Variants in EIF4B observed in about 807,000 individuals in gnomAD.
The protein encoded by EIF4B is eukaryotic translation initiation factor 4B.
A neutral mutation model predicts 79.3 loss-of-function variants in EIF4B; 8 were observed. The observed-to-expected ratio is 0.10, with a 90% CI of 0.06 to 0.18. The LOEUF (loss-of-function observed/expected upper bound fraction) is 0.18, where lower values mean the gene tolerates loss of function less well. Among genes scored for constraint, EIF4B ranks in the 10% least tolerant of loss-of-function variants. EIF4B has a pLI of 1.00. For synonymous variants in EIF4B, 238 were observed against 274.7 expected, an observed-to-expected ratio of 0.87 and a Z score of 1.32; for missense variants, 515 against 792.4, an observed-to-expected ratio of 0.65 and a Z score of 4.20.
chr12:53,018,687 G>A (rs564034740), intron 2 of EIF4B, 111 bp from the exon 3 acceptor site: 1 of 1,292,358 alleles, frequency 7.7e-7, no homozygotes, highest in Non-Finnish European at 1.1e-6. Flanking sequence ...TTTTGGTCTG[G>A]TTTTCTTGTA....
At chr12:53,030,971 A>C (rs1565590961) in intron 8 of EIF4B, among the ~76,000 whole-genome samples, 1 of 151,132 alleles carries the variant, frequency 6.6e-6, no homozygotes. Flanking sequence ...CTGCATACCT[A>C]ATTTTTTATT....
At chr12:53,015,252 A>G (rs971988440) in intron 1 of EIF4B, among the ~76,000 whole-genome samples, 3 of 152,238 alleles carry the variant, frequency 2.0e-5, no homozygotes, top group African/African-American at 4.8e-5. Context: ...ACCTTGGTAT[A>G]TAGAAAGAGC....
At position 53,038,491 on chromosome 12, in the gene EIF4B, A is replaced by G. The variant is rs531454209; in HGVS notation, c.1576+80A>G. ...CCTCCAAAATTAGATTTTGAAGAGCAGTGTGTCTCGCACCTGATACCGTGT... is the reference window on the plus strand; with the variant it reads ...CCTCCAAAATTAGATTTTGAAGAGCGGTGTGTCTCGCACCTGATACCGTGT... On this transcript the variant is annotated intron_variant, in intron 12 of 14. Coordinates refer to ENST00000262056, the MANE Select transcript of EIF4B (RefSeq NM_001417.7). 3.6e-5 allele frequency: 51 copies of G among 1,399,994 alleles called. No individual in the cohort carries two copies. In the East Asian group the frequency reaches 1.3e-3, roughly 35 times the overall value. 86.7% of individuals were successfully genotyped at this position (1,399,994 alleles called of 1,614,324 possible).
intron 1 of EIF4B, among the ~76,000 whole-genome samples, chr12:53,007,083 T>C (rs1458971301): frequency 6.6e-6 from 1 of 152,172 alleles, no homozygotes; most frequent in Non-Finnish European, 1.5e-5. Flanking sequence ...AGAACCCAGA[T>C]GGGAAGCTTT....
intron 3 of EIF4B, among the ~76,000 whole-genome samples, chr12:53,019,435 A>ATTTTTTTTTT (rs759250282): frequency 1.8e-4 from 7 of 39,470 alleles, no homozygotes; most frequent in Non-Finnish European, 4.3e-4. Flanking sequence ...ATATATATAT[A>ATTTTTTTTTT]TATTTTTTTT....
intron 2 of EIF4B, among the ~76,000 whole-genome samples, chr12:53,017,572 T>C (rs565445317): frequency 6.6e-6 from 1 of 152,320 alleles, no homozygotes; most frequent in South Asian, 2.1e-4. Context: ...TATTTTTTCC[T>C]ATGACCTGTT....
chr12:53,031,706 C>T (rs1035775330), intron 8 of EIF4B, among the ~76,000 whole-genome samples: 1 of 152,164 alleles, frequency 6.6e-6, no homozygotes, highest in African/African-American at 2.4e-5. Context: ...GCTTAAAGCC[C>T]TCGTAGAAAA....
At chr12:53,034,867 T>G in intron 10 of EIF4B, 158 bp downstream of exon 10, 1 of 725,630 alleles carries the variant, frequency 1.4e-6, no homozygotes, top group Non-Finnish European at 2.3e-6. Flanking sequence ...CTCCAAAGAA[T>G]CTGAGGAATG....
At chr12:53,025,156 G>C (rs1943313329) in intron 6 of EIF4B, 1 of 448,492 alleles carries the variant, frequency 2.2e-6, no homozygotes, top group East Asian at 7.0e-5. Context: ...TTGTGACACA[G>C]CAAAGCCTTG....
chr12:53,019,818 T>C (rs373241532), intron 3 of EIF4B, 92 bp from the exon 4 acceptor site: 4 of 1,197,956 alleles, frequency 3.3e-6, no homozygotes, highest in African/African-American at 1.5e-5. Flanking sequence ...GAAAAATTCA[T>C]GCACATACAG....
At chr12:53,015,830 T>G (rs1481562722) in intron 1 of EIF4B, among the ~76,000 whole-genome samples, 1 of 151,352 alleles carries the variant, frequency 6.6e-6, no homozygotes, top group Non-Finnish European at 1.5e-5. Context: ...CACAAAAAAT[T>G]AGCTGGGCAT....
intron 8 of EIF4B, among the ~76,000 whole-genome samples, chr12:53,030,090 C>T (rs1943408896): frequency 8.0e-6 from 1 of 124,876 alleles, no homozygotes; most frequent in South Asian, 3.0e-4. Context: ...AGCGTGGTAG[C>T]ATGTGCCTGT....
chr12:53,037,876 A>G (rs1392537745), intron 11 of EIF4B: 3 of 508,938 alleles, frequency 5.9e-6, no homozygotes, highest in Non-Finnish European at 1.1e-5. Flanking sequence ...ACTGTAAGTC[A>G]GAGGCTTCCC....
chr12:53,022,847 C>G (rs755293727), intron 6 of EIF4B, among the ~76,000 whole-genome samples: 15 of 152,134 alleles, frequency 9.9e-5, no homozygotes, highest in Non-Finnish European at 1.9e-4. Flanking sequence ...AAGGGACAGA[C>G]ATTTCTCTTT....
At chr12:53,038,520 G>C (rs1943575770) in intron 12 of EIF4B, 109 bp downstream of exon 12, 1 of 1,126,652 alleles carries the variant, frequency 8.9e-7, no homozygotes, top group Non-Finnish European at 1.2e-6. Flanking sequence ...ACCGTGTTAA[G>C]AGTTCTTGGG....
At chr12:53,030,772 T>G (rs1943429551) in intron 8 of EIF4B, among the ~76,000 whole-genome samples, 1 of 152,148 alleles carries the variant, frequency 6.6e-6, no homozygotes, top group African/African-American at 2.4e-5. Context: ...TAGCTAACAT[T>G]TATTAACCAT....
At chr12:53,017,534 GA>G (rs1318861200) in intron 2 of EIF4B, among the ~76,000 whole-genome samples, 1 of 152,018 alleles carries the variant, frequency 6.6e-6, no homozygotes, top group Non-Finnish European at 1.5e-5. Context: ...TTTTTTTCCT[GA>G]AAATCGTTTA....
chr12:53,019,878 G>A (rs1170899561), intron 3 of EIF4B, 32 bp from the exon 4 acceptor site: 3 of 1,593,716 alleles, frequency 1.9e-6, no homozygotes, highest in Admixed American at 1.7e-5. Flanking sequence ...AAGAATGCTG[G>A]GAAACTTTGT....
At chr12:53,032,347 C>T (rs575297841) in intron 8 of EIF4B, among the ~76,000 whole-genome samples, 2 of 152,144 alleles carry the variant, frequency 1.3e-5, no homozygotes, top group African/African-American at 4.8e-5. Context: ...GAAGCTGAGG[C>T]AGGAAAATCA....
Sources: allele counts gnomAD v4.1 joint callset (sites outside exome capture counted in the v4.1 genomes callset), GRCh38; gene constraint gnomAD v4.1.1; transcripts MANE v1.5; gene names NCBI Gene and HGNC (gene_info 2026-07-23, HGNC 2026-07-21).